The following CALN1 variants were observed in gnomAD, a reference collection of about 807,000 sequenced individuals.
CALN1 encodes the protein calcium-binding protein 8.
In CALN1, 17 loss-of-function variants were observed where a neutral mutation model predicts 30.6. The observed-to-expected ratio is 0.56, with a 90% confidence interval of 0.38 to 0.83. The LOEUF (loss-of-function observed/expected upper bound fraction) is 0.83. Among genes scored for constraint, CALN1 ranks in the 40% least tolerant of loss-of-function variants. The pLI is 0.00. For missense variants in CALN1, 291 were observed against 354.9 expected, an observed-to-expected ratio of 0.82 and a Z score of 1.45; for synonymous variants, 156 against 131.4, an observed-to-expected ratio of 1.19 and a Z score of -1.28.
chr7:72,287,135 T>A (rs1264978416), intron 2 of CALN1, among the ~76,000 whole-genome samples: 4 of 152,190 alleles, frequency 2.6e-5, no homozygotes, highest in African/African-American at 9.6e-5. Flanking sequence ...GATTTAATGA[T>A]ATTTTGCCTT....
At chr7:71,808,103 A>C (rs921288221) in intron 6 of CALN1, among the ~76,000 whole-genome samples, 10 of 151,978 alleles carry the variant, frequency 6.6e-5, no homozygotes, top group African/African-American at 1.7e-4. Context: ...CAAAACAAAA[A>C]TACTACTATA....
At chr7:72,389,963 G>A (rs569541143) in intron 2 of CALN1, among the ~76,000 whole-genome samples, 1 of 151,792 alleles carries the variant, frequency 6.6e-6, no homozygotes, top group East Asian at 1.9e-4. Context: ...AAAAAAAAGG[G>A]GAGAATTAAC....
At chr7:71,868,370 C>CAT (rs1562856355) in intron 5 of CALN1, among the ~76,000 whole-genome samples, 2 of 137,036 alleles carry the variant, frequency 1.5e-5, no homozygotes. Context: ...GTGCTACACA[C>CAT]TTTTTTTTTT....
intron 1 of CALN1, among the ~76,000 whole-genome samples, chr7:72,425,549 C>T (rs1807774270): frequency 6.6e-6 from 1 of 152,190 alleles, no homozygotes; most frequent in East Asian, 1.9e-4. Context: ...AATTTATTCC[C>T]ATCCTGATGG....
rs1013637827 is a variant in CALN1 at position 71,783,432 on chromosome 7, T to C, written c.*4343A>G. ...TGACTATGGGCCTTTGGAGAAATAG[T>C]GTGGCAAAATGACCCAATAGGGTTT... On this transcript the variant is annotated 3_prime_UTR_variant, in exon 7 of 7. Transcript: ENST00000395275. 6.6e-6 allele frequency: 1 copy of C among 152,136 alleles called. No individual in the cohort carries two copies. Among genetic ancestry groups the C allele is most frequent in the African/African-American group, 2.4e-5 (1 of 41,418 alleles). 9.4% of individuals were successfully genotyped at this position (152,136 alleles called of 1,614,324 possible).
chr7:71,853,027 T>C (rs1790739500), intron 5 of CALN1, among the ~76,000 whole-genome samples: 1 of 152,176 alleles, frequency 6.6e-6, no homozygotes, highest in Non-Finnish European at 1.5e-5. Flanking sequence ...CCTTGCCTTT[T>C]CCTATTCTTA....
At chr7:72,302,669 G>A (rs1009296727) in intron 2 of CALN1, among the ~76,000 whole-genome samples, 1 of 151,878 alleles carries the variant, frequency 6.6e-6, no homozygotes, top group Non-Finnish European at 1.5e-5. Context: ...CAAGGCACGT[G>A]GATCACTTGA....
intron 3 of CALN1, among the ~76,000 whole-genome samples, chr7:72,115,156 CATT>C (rs1184676103): frequency 2.9e-5 from 4 of 140,156 alleles, no homozygotes; most frequent in East Asian, 2.7e-4. Flanking sequence ...CCATGTCCCA[CATT>C]ATTATATACT....
intron 3 of CALN1, among the ~76,000 whole-genome samples, chr7:72,251,741 A>T (rs922852706): frequency 6.6e-6 from 1 of 152,140 alleles, no homozygotes; most frequent in Non-Finnish European, 1.5e-5. Flanking sequence ...AGATTACGTG[A>T]ATATGAGTGA....
At chr7:72,043,681 G>T (rs1334663699) in intron 4 of CALN1, among the ~76,000 whole-genome samples, 1 of 152,140 alleles carries the variant, frequency 6.6e-6, no homozygotes, top group Admixed American at 6.5e-5. Context: ...CGAGGCAGAA[G>T]GATCGCTTGA....
intron 3 of CALN1, among the ~76,000 whole-genome samples, chr7:72,171,424 GACCA>G (rs1197815494): frequency 6.6e-6 from 1 of 152,050 alleles, no homozygotes; most frequent in African/African-American, 2.4e-5. Context: ...AGGAGTTTGA[GACCA>G]GCCTGGCCAA....
intron 2 of CALN1, among the ~76,000 whole-genome samples, chr7:72,366,976 G>A (rs1413720514): frequency 6.6e-6 from 1 of 152,082 alleles, no homozygotes; most frequent in Non-Finnish European, 1.5e-5. Flanking sequence ...TACACAAAGG[G>A]AAAGAATATA....
chr7:72,297,440 TA>T (rs1798941940), intron 2 of CALN1, among the ~76,000 whole-genome samples: 1 of 152,142 alleles, frequency 6.6e-6, no homozygotes, highest in Non-Finnish European at 1.5e-5. Context: ...AAAGCATAAA[TA>T]GATAACATCC....
the CALN1 span, among the ~76,000 whole-genome samples, chr7:72,499,853 CTTT>C: frequency 2.6e-5 from 1 of 38,912 alleles, no homozygotes; most frequent in South Asian, 7.4e-4. Context: ...TTCTTTCTTT[CTTT>C]CTTTCTTTCT....
At chr7:72,093,669 C>A (rs1311691140) in intron 4 of CALN1, among the ~76,000 whole-genome samples, 1 of 152,156 alleles carries the variant, frequency 6.6e-6, no homozygotes, top group South Asian at 2.1e-4. Context: ...CTTCTGAACA[C>A]CCTTGTAAGA....
intron 5 of CALN1, among the ~76,000 whole-genome samples, chr7:71,944,970 T>C (rs1461417048): frequency 4.0e-5 from 6 of 150,164 alleles, no homozygotes; most frequent in Non-Finnish European, 5.9e-5. Context: ...CCAAATCTCA[T>C]TTTGAAATGT....
At chr7:72,270,412 G>C (rs897332224) in intron 3 of CALN1, among the ~76,000 whole-genome samples, 2 of 152,080 alleles carry the variant, frequency 1.3e-5, no homozygotes, top group South Asian at 4.1e-4. Context: ...AATTTTTTAA[G>C]ACTAAAGAAA....
intron 2 of CALN1, among the ~76,000 whole-genome samples, chr7:72,363,245 T>A (rs1417040706): frequency 4.1e-5 from 4 of 98,142 alleles, no homozygotes; most frequent in African/African-American, 1.1e-4. Context: ...ATTATTTTAT[T>A]TTTTTATTTT....
At chr7:71,813,056 C>T (rs971793866) in intron 5 of CALN1, among the ~76,000 whole-genome samples, 2 of 151,946 alleles carry the variant, frequency 1.3e-5, no homozygotes, top group African/African-American at 4.8e-5. Context: ...TCAAGTGATC[C>T]TTCTGTCTCA....
Sources: allele counts gnomAD v4.1 joint callset (sites outside exome capture counted in the v4.1 genomes callset), GRCh38; gene constraint gnomAD v4.1.1; transcripts MANE v1.5; gene names NCBI Gene and HGNC (gene_info 2026-07-23, HGNC 2026-07-21).